The following NXPE3 variants were observed in gnomAD, a reference collection of about 807,000 sequenced individuals.
NXPE3 encodes the protein NXPE family member 3.
Under a neutral mutation model 46.1 loss-of-function variants are expected in NXPE3, and 26 were observed. The ratio of observed to expected loss-of-function variants is 0.56; its 90% CI spans 0.41 to 0.78. The LOEUF (loss-of-function observed/expected upper bound fraction) is 0.78, where lower values mean the gene tolerates loss of function less well. Among genes scored for constraint, NXPE3 ranks in the 30% least tolerant of loss-of-function variants. The probability of loss-of-function intolerance (pLI) is 0.00; values close to 1 mark genes in which losing one functional copy is unlikely to be tolerated. For synonymous variants in NXPE3, 272 were observed against 257.9 expected, an observed-to-expected ratio of 1.05 and a Z score of -0.52; for missense variants, 620 against 686.0, an observed-to-expected ratio of 0.90 and a Z score of 1.07.
Position 101,822,195 on chromosome 3 carries a change from T to C in NXPE3, c.*241T>C. The stretch of plus-strand genomic sequence containing the variant: ...AGAACTCTTAACTGCATCTACACAC[T>C]ATATTGCTCTTGTAACCAAAGATGC... On this transcript the variant is annotated 3_prime_UTR_variant, in exon 8 of 8. Transcript: ENST00000273347. 1 of 467,846 alleles carries C rather than the reference T, an allele frequency of 2.1e-6. No individual in the cohort carries two copies. The highest frequency in any genetic ancestry group is 3.8e-6 in the Non-Finnish European group (1 of 261,796). The allele number at this position is 467,846 out of a possible 1,614,324, so 29.0% of individuals were successfully genotyped here.
rs1270721868 is a variant in NXPE3, at chr3:101,825,041, G to A, written c.*3087G>A. 6.6e-6 allele frequency: 1 copy of A among 152,108 alleles called. No homozygotes were observed. The highest frequency in any genetic ancestry group is 1.5e-5 in the Non-Finnish European group (1 of 68,012). 9.4% of individuals were successfully genotyped at this position (152,108 alleles called of 1,614,324 possible). A position where few individuals can be genotyped will look rare whatever the true frequency, so the allele number is the denominator to read the frequency against. ...TTTAAGTTCAGGGGTACATGTGCCA[G>A]TTTGTTTCATAGGTAAACTTACGTC... On this transcript the variant is annotated 3_prime_UTR_variant, in exon 8 of 8. Coordinates refer to ENST00000273347, the MANE Select transcript of NXPE3 (RefSeq NM_145037.4).
chr3:101,783,706 A>C (rs1434567588), intron 3 of NXPE3, among the ~76,000 whole-genome samples: 1 of 152,234 alleles, frequency 6.6e-6, no homozygotes, highest in African/African-American at 2.4e-5. Context: ...CTATGGTGCA[A>C]CTAAATTCCT....
At chr3:101,802,603 T>C (rs1941223973) in intron 5 of NXPE3, among the ~76,000 whole-genome samples, 1 of 151,958 alleles carries the variant, frequency 6.6e-6, no homozygotes, top group Admixed American at 6.5e-5. Context: ...TAAAAAACTA[T>C]GAATATGGCA....
rs1406527427 is a variant in NXPE3, at chr3:101,782,298, A to C, written c.-317+8A>C. 1 of 152,204 alleles carries C rather than the reference A, an allele frequency of 6.6e-6. No individual in the cohort carries two copies. Among genetic ancestry groups the C allele is most frequent in the Non-Finnish European group, 1.5e-5 (1 of 68,038 alleles). 9.4% of individuals were successfully genotyped at this position (152,204 alleles called of 1,614,324 possible). On this transcript the variant is annotated splice_region_variant and intron_variant, in intron 2 of 7. Transcript: ENST00000273347. ...GGAAAATTTCCAAAAAAGGTAAATTACATTGAATTATATATTTTTATTTTT... is the reference window on the plus strand; with the variant it reads ...GGAAAATTTCCAAAAAAGGTAAATTCCATTGAATTATATATTTTTATTTTT...
intron 6 of NXPE3, among the ~76,000 whole-genome samples, chr3:101,808,854 T>TACACATATATATATAC (rs1553803067): frequency 0.017 from 1,670 of 100,330 alleles, 162 homozygotes; most frequent in African/African-American, 0.056. Flanking sequence ...TATATATATA[T>TACACATATATATATAC]ATGAGACATT....
At chr3:101,806,632 C>T (rs1378410052) in intron 5 of NXPE3, among the ~76,000 whole-genome samples, 1 of 152,190 alleles carries the variant, frequency 6.6e-6, no homozygotes, top group Non-Finnish European at 1.5e-5. Context: ...CCCACTAGGA[C>T]TCCTGTCAGA....
intron 6 of NXPE3, among the ~76,000 whole-genome samples, chr3:101,810,225 A>G (rs1266183351): frequency 6.6e-6 from 1 of 152,206 alleles, no homozygotes; most frequent in African/African-American, 2.4e-5. Context: ...TGTAGTCCCC[A>G]GATTATCACA....
In NXPE3 at chr3:101,783,694, G is replaced by A. The variant is rs77779365; in HGVS notation, c.-196+914G>A. On this transcript the variant is annotated intron_variant, in intron 3 of 7. Transcript: ENST00000273347. ...GTCCACACAATGCATGACCACACCT[G>A]CCTATGGTGCAACTAAATTCCTGTG... Among the ~76,000 whole-genome samples the A allele has an allele frequency of 9.3e-3, 1,411 of 152,268 alleles. 162 individuals carry two copies. In the East Asian group the frequency reaches 0.24, roughly 26 times the overall value.
intron 4 of NXPE3, among the ~76,000 whole-genome samples, chr3:101,798,605 T>A (rs55660632): frequency 0.16 from 20,670 of 132,758 alleles, 1,421 homozygotes; most frequent in East Asian, 0.2. Context: ...TATATATATT[T>A]TTTTTTTTTT....
In NXPE3 at chr3:101,812,554, C is replaced by T. The variant is rs577388658; in HGVS notation, c.923-4241C>T. On this transcript the variant is annotated intron_variant, in intron 6 of 7. Transcript: ENST00000273347. The stretch of plus-strand genomic sequence containing the variant: ...GACGGCCGGGCGCAGTGGCTCATGC[C>T]TGTAATCCCAGGACTTTGGGAGGCC... Among the ~76,000 whole-genome samples, 23 of 152,126 alleles carry T rather than the reference C, an allele frequency of 1.5e-4. 1 individual carries two copies. The highest frequency in any genetic ancestry group is 4.8e-4 in the African/African-American group (20 of 41,516).
Position 101,827,339 on chromosome 3 carries a change from TCTACCCCATTAC to T in NXPE3, c.*5387_*5398del, listed in dbSNP as rs1025374166. 5 of 152,238 alleles carry T rather than the reference TCTACCCCATTAC, an allele frequency of 3.3e-5. No homozygotes were observed. The highest frequency in any genetic ancestry group is 1.2e-4 in the African/African-American group (5 of 41,452). 9.4% of individuals were successfully genotyped at this position (152,238 alleles called of 1,614,324 possible). A position where few individuals can be genotyped will look rare whatever the true frequency, so the allele number is the denominator to read the frequency against. ...GTGCAGTGGTTCATTTGCTGTTAAA[TCTACCCCATTAC>T]CATTCCCCTTACTCCTTGAAAATAA... On this transcript the variant is annotated 3_prime_UTR_variant, in exon 8 of 8. Transcript: ENST00000273347.
intron 7 of NXPE3, among the ~76,000 whole-genome samples, chr3:101,819,802 A>T (rs1390014782): frequency 2.0e-5 from 3 of 152,198 alleles, no homozygotes; most frequent in Non-Finnish European, 4.4e-5. Flanking sequence ...GAAATATATG[A>T]TACATGATTA....
rs952851561 is a variant in NXPE3 at position 101,801,819 on chromosome 3, C to T, written c.678C>T (p.Asn226=). The T allele has an allele frequency of 8.1e-6, 13 of 1,614,176 alleles. No individual in the cohort carries two copies. Among genetic ancestry groups the T allele is most frequent in the East Asian group, 4.5e-5 (2 of 44,874 alleles). ...GAATTTCTGAAACTACTGAGTGCAA[C>T]GTGTGTCTTCCTGGGAATCTGCCCC... ...SGRISETTEC[N]VCLPGNLPLC... The change falls in exon 5 of 8, where the codon AAC becomes AAT. Residue 226 remains asparagine, a synonymous_variant. Coordinates refer to ENST00000273347, the MANE Select transcript of NXPE3 (RefSeq NM_145037.4).
intron 6 of NXPE3, among the ~76,000 whole-genome samples, chr3:101,808,642 A>T (rs2032749653): frequency 1.3e-5 from 2 of 151,800 alleles, no homozygotes; most frequent in African/African-American, 2.4e-5. Flanking sequence ...CATCCAATTC[A>T]AGACTTTGAA....
At chr3:101,816,681 T>C in intron 6 of NXPE3, 114 bp from the exon 7 acceptor site, 1 of 798,588 alleles carries the variant, frequency 1.3e-6, no homozygotes, top group Non-Finnish European at 2.0e-6. Context: ...GCAGGAAATG[T>C]TTCCCACATG....
chr3:101,816,435 C>T (rs181041427), intron 6 of NXPE3, among the ~76,000 whole-genome samples: 10 of 152,114 alleles, frequency 6.6e-5, no homozygotes, highest in Admixed American at 1.3e-4. Flanking sequence ...CCCAACCCCC[C>T]GACAGGCCAC....
At chr3:101,789,942 A>G (rs570574290) in intron 4 of NXPE3, among the ~76,000 whole-genome samples, 6 of 152,094 alleles carry the variant, frequency 3.9e-5, no homozygotes, top group Non-Finnish European at 5.9e-5. Flanking sequence ...CCTCCTGCCT[A>G]AGCCTCCCAA....
chr3:101,785,144 C>T (rs1459238842), intron 3 of NXPE3, among the ~76,000 whole-genome samples: 2 of 152,158 alleles, frequency 1.3e-5, no homozygotes, highest in Admixed American at 1.3e-4. Context: ...AGACATACTT[C>T]CTTACTTTCT....
At chr3:101,792,200 C>T (rs555541578) in intron 4 of NXPE3, among the ~76,000 whole-genome samples, 1 of 152,246 alleles carries the variant, frequency 6.6e-6, no homozygotes, top group East Asian at 1.9e-4. Context: ...TATTTTCTAC[C>T]ATTCTGCAGG....
Sources: gnomAD v4.1 joint callset for allele counts (sites outside exome capture counted in the v4.1 genomes callset) on GRCh38, gnomAD v4.1.1 for gene constraint, MANE v1.5 for transcripts, NCBI Gene and HGNC (gene_info 2026-07-23, HGNC 2026-07-21) for gene names.